Variants in ATF1 observed in about 807,000 individuals in gnomAD.
ATF1 encodes the protein activating transcription factor 1, also known as cyclic AMP-dependent transcription factor ATF-1.
A neutral mutation model predicts 34.7 loss-of-function variants in ATF1; 16 were observed. The observed-to-expected ratio is 0.46, with a 90% confidence interval of 0.31 to 0.70. The LOEUF (loss-of-function observed/expected upper bound fraction) is 0.70. Ranked by LOEUF, ATF1 falls within the 30% of genes least tolerant of loss-of-function variation. The probability of loss-of-function intolerance (pLI) is 0.05; values close to 1 mark genes in which losing one functional copy is unlikely to be tolerated. For synonymous variants in ATF1, 105 were observed against 113.1 expected (o/e 0.93, Z 0.46); for missense variants, 255 against 321.6 (o/e 0.79, Z 1.58).
intron 1 of ATF1, among the ~76,000 whole-genome samples, chr12:50,779,138 C>G (rs1471639172): frequency 6.6e-6 from 1 of 152,192 alleles, no homozygotes; most frequent in African/African-American, 2.4e-5. Flanking sequence ...TGTACAGTCA[C>G]TATTTTATTT....
chr12:50,768,869 A>G (rs535453097), intron 1 of ATF1, among the ~76,000 whole-genome samples: 12 of 152,260 alleles, frequency 7.9e-5, no homozygotes, highest in African/African-American at 1.4e-4. Flanking sequence ...AAATTGTTCA[A>G]TTTACCCTAC....
intron 4 of ATF1, among the ~76,000 whole-genome samples, chr12:50,811,538 C>G (rs1231195182): frequency 6.7e-6 from 1 of 149,184 alleles, no homozygotes; most frequent in Non-Finnish European, 1.5e-5. Flanking sequence ...AATCTCAGTA[C>G]GTTGAGAGGC....
chr12:50,780,051 C>CT, intron 1 of ATF1, 89 bp from the exon 2 acceptor site: 2 of 939,240 alleles, frequency 2.1e-6, no homozygotes, highest in East Asian at 5.5e-5. Flanking sequence ...ATTGAGGCAA[C>CT]TAAATGATCA....
chr12:50,780,263 C>T (rs772360905), intron 2 of ATF1, 25 bp downstream of exon 2: 34 of 1,515,676 alleles, frequency 2.2e-5, no homozygotes, highest in Non-Finnish European at 2.9e-5. Context: ...GGCCAAAATA[C>T]TGAGCTTGTT....
intron 4 of ATF1, among the ~76,000 whole-genome samples, chr12:50,810,872 CA>C (rs964500289): frequency 6.6e-6 from 1 of 152,168 alleles, no homozygotes; most frequent in Non-Finnish European, 1.5e-5. Flanking sequence ...ATCAGTTTTC[CA>C]TACTGTGGCC....
chr12:50,781,993 TAACAATACAC>T, intron 2 of ATF1, among the ~76,000 whole-genome samples: 1 of 151,972 alleles, frequency 6.6e-6, no homozygotes, highest in East Asian at 1.9e-4. Context: ...ATTTTAATGT[TAACAATACAC>T]AAAGTTCAGA....
chr12:50,803,498 T>TAA (rs35063138), intron 3 of ATF1, among the ~76,000 whole-genome samples: 1 of 143,746 alleles, frequency 7.0e-6, no homozygotes. Flanking sequence ...GGTAAGAATG[T>TAA]AAAAAAAAAA....
intron 1 of ATF1, among the ~76,000 whole-genome samples, chr12:50,778,505 G>C (rs1940982322): frequency 1.3e-5 from 2 of 151,986 alleles, no homozygotes; most frequent in African/African-American, 2.4e-5. Context: ...TTACAGGCGT[G>C]AGCCACCGCG....
intron 3 of ATF1, among the ~76,000 whole-genome samples, chr12:50,805,992 A>C (rs1387272330): frequency 6.6e-6 from 1 of 152,102 alleles, no homozygotes; most frequent in African/African-American, 2.4e-5. Context: ...CTCCACTAAC[A>C]ATACAAAAAT....
At position 50,820,851 on chromosome 12, in the gene ATF1, T is replaced by C; in HGVS notation, c.*1072T>C. ...TTTATAAATTCTAATGTTGAGTTTTTAATGATTATTTTAAATGTTTATATA... is the reference window on the plus strand; with the variant it reads ...TTTATAAATTCTAATGTTGAGTTTTCAATGATTATTTTAAATGTTTATATA... On this transcript the variant is annotated 3_prime_UTR_variant, in exon 7 of 7. Transcript: ENST00000262053. 1 of 178,914 alleles carries C rather than the reference T, an allele frequency of 5.6e-6. No individual in the cohort carries two copies. Among genetic ancestry groups the C allele is most frequent in the East Asian group, 9.4e-5 (1 of 10,652 alleles). 11.1% of individuals were successfully genotyped at this position (178,914 alleles called of 1,614,324 possible). A position where few individuals can be genotyped will look rare whatever the true frequency, so the allele number is the denominator to read the frequency against.
chr12:50,813,949 A>G, intron 4 of ATF1, 61 bp from the exon 5 acceptor site: 1 of 1,495,344 alleles, frequency 6.7e-7, no homozygotes, highest in East Asian at 2.3e-5. Context: ...GCTTTTTGCC[A>G]CTCCTTTGAA....
chr12:50,788,277 T>A (rs1473108631), intron 2 of ATF1: 2 of 450,386 alleles, frequency 4.4e-6, no homozygotes, highest in Admixed American at 2.4e-5. Context: ...TGACCTCCTG[T>A]GCTCAAGCAA....
chr12:50,805,615 T>TGGTTCTTA (rs1309127913), intron 3 of ATF1, among the ~76,000 whole-genome samples: 1 of 146,268 alleles, frequency 6.8e-6, no homozygotes, highest in Non-Finnish European at 1.5e-5. Context: ...TGTGACCAAA[T>TGGTTCTTA]GGTTCTTAGG....
At chr12:50,805,171 A>T (rs1941590032) in intron 3 of ATF1, among the ~76,000 whole-genome samples, 2 of 152,054 alleles carry the variant, frequency 1.3e-5, no homozygotes, top group South Asian at 4.2e-4. Flanking sequence ...AAAGTACCAC[A>T]TTCTGGGTCA....
intron 3 of ATF1, among the ~76,000 whole-genome samples, chr12:50,802,137 C>T (rs150480481): frequency 1.3e-5 from 2 of 152,154 alleles, no homozygotes; most frequent in Non-Finnish European, 2.9e-5. Context: ...AACTTAAAAA[C>T]AATTCTATTT....
intron 4 of ATF1, among the ~76,000 whole-genome samples, chr12:50,813,081 T>C (rs1405108497): frequency 6.6e-6 from 1 of 152,206 alleles, no homozygotes; most frequent in Non-Finnish European, 1.5e-5. Flanking sequence ...TATATGGGAA[T>C]TGAATAATGC....
intron 1 of ATF1, among the ~76,000 whole-genome samples, chr12:50,772,911 C>T (rs1278952520): frequency 2.0e-5 from 3 of 152,158 alleles, no homozygotes; most frequent in African/African-American, 7.2e-5. Flanking sequence ...GATGCTCTCC[C>T]TTCCCCCACC....
chr12:50,778,503 G>A (rs189586540), intron 1 of ATF1, among the ~76,000 whole-genome samples: 25 of 152,074 alleles, frequency 1.6e-4, no homozygotes, highest in African/African-American at 5.3e-4. Context: ...GATTACAGGC[G>A]TGAGCCACCG....
At chr12:50,765,691 C>T (rs1413454170) in intron 1 of ATF1, among the ~76,000 whole-genome samples, 3 of 152,108 alleles carry the variant, frequency 2.0e-5, no homozygotes, top group African/African-American at 7.2e-5. Context: ...AAATACAGGT[C>T]ATGAAGACCT....
Sources: gnomAD v4.1 joint callset for allele counts (sites outside exome capture counted in the v4.1 genomes callset) on GRCh38, gnomAD v4.1.1 for gene constraint, MANE v1.5 for transcripts, NCBI Gene and HGNC (gene_info 2026-07-23, HGNC 2026-07-21) for gene names.